Variants in FRMD4A observed in about 807,000 individuals in gnomAD.
FRMD4A encodes FERM domain-containing protein 4A.
In FRMD4A, 29 loss-of-function variants were observed where a neutral mutation model predicts 129.1. That is an observed-to-expected ratio of 0.22 (90% CI 0.17 to 0.31). The LOEUF (loss-of-function observed/expected upper bound fraction) is 0.31. Ranked by LOEUF, FRMD4A falls within the 10% of genes least tolerant of loss-of-function variation. The pLI, the probability that FRMD4A is intolerant of heterozygous loss-of-function variation, is 1.00. For synonymous variants in FRMD4A, 634 were observed against 571.6 expected (o/e 1.11, Z -1.56); for missense variants, 1,272 against 1,375.8 (o/e 0.92, Z 1.19).
At chr10:13,826,039 C>A (rs2093695743) in intron 3 of FRMD4A, among the ~76,000 whole-genome samples, 1 of 152,188 alleles carries the variant, frequency 6.6e-6, no homozygotes, top group South Asian at 2.1e-4. Flanking sequence ...CCGATGTGTA[C>A]CTTGATCAGC....
rs911473190 is a variant in FRMD4A, at chr10:13,930,149, C to T, written c.46-71237G>A. Among the ~76,000 whole-genome samples the T allele has an allele frequency of 5.3e-5, 8 of 152,184 alleles. No individual in the cohort carries two copies. In the South Asian group the frequency reaches 1.7e-3, roughly 31 times the overall value. On this transcript the variant is annotated intron_variant, in intron 2 of 24. Transcript: ENST00000357447. ...TGGTGAGAAGATGGAGATGACTTCA[C>T]TCATGCAGAGAACTATGTATTTGTG...
rs527825428 is a variant in FRMD4A at position 14,267,458 on chromosome 10, A to C, written c.45+62600T>G. On this transcript the variant is annotated intron_variant, in intron 2 of 24. Coordinates refer to ENST00000357447, the MANE Select transcript of FRMD4A (RefSeq NM_018027.5). The stretch of plus-strand genomic sequence containing the variant: ...CTGTCATGTCAAGGAGAAAGCAAAG[A>C]TGCCAGATGCCACAGCCTAAGCTCA... Among the ~76,000 whole-genome samples the C allele has an allele frequency of 1.6e-4, 25 of 152,332 alleles. No homozygotes were observed. The East Asian group carries it at 4.8e-3, about 29-fold the overall frequency.
At chr10:13,723,439 A>C (rs2089626008) in intron 12 of FRMD4A, among the ~76,000 whole-genome samples, 2 of 152,238 alleles carry the variant, frequency 1.3e-5, no homozygotes, top group Admixed American at 6.5e-5. Flanking sequence ...GGTTCCCAGC[A>C]GATGGGGGGA....
intron 2 of FRMD4A, among the ~76,000 whole-genome samples, chr10:14,233,481 G>A (rs1438651586): frequency 3.3e-5 from 5 of 152,200 alleles, no homozygotes; most frequent in Non-Finnish European, 5.9e-5. Context: ...GTCTGAGGCA[G>A]GAGAATCACT....
Position 13,948,629 on chromosome 10 carries a change from T to C in FRMD4A, c.46-89717A>G, listed in dbSNP as rs59296772. On this transcript the variant is annotated intron_variant, in intron 2 of 24. Coordinates refer to ENST00000357447, the MANE Select transcript of FRMD4A (RefSeq NM_018027.5). ...AGGTGGTGGGGATGAGGAGAATTGATAAGCCCATGGAAAAGAGGATTTTTT... is the reference window on the plus strand; with the variant it reads ...AGGTGGTGGGGATGAGGAGAATTGACAAGCCCATGGAAAAGAGGATTTTTT... Among the ~76,000 whole-genome samples the C allele has an allele frequency of 5.3e-3, 786 of 147,306 alleles. 9 individuals carry two copies. The highest frequency in any genetic ancestry group is 0.019 in the African/African-American group (763 of 39,864).
intron 2 of FRMD4A, among the ~76,000 whole-genome samples, chr10:14,026,113 C>T (rs1449542545): frequency 6.6e-6 from 1 of 152,130 alleles, no homozygotes; most frequent in Admixed American, 6.5e-5. Flanking sequence ...CACTTAACAG[C>T]CAACATTGAT....
At chr10:13,909,587 T>G (rs1164080465) in intron 2 of FRMD4A, among the ~76,000 whole-genome samples, 3 of 152,238 alleles carry the variant, frequency 2.0e-5, no homozygotes, top group Non-Finnish European at 2.9e-5. Flanking sequence ...AGGTGCTTAT[T>G]TAAAAGATGA....
intron 2 of FRMD4A, among the ~76,000 whole-genome samples, chr10:14,201,128 C>A (rs1436298325): frequency 6.6e-6 from 1 of 152,176 alleles, no homozygotes; most frequent in Non-Finnish European, 1.5e-5. Flanking sequence ...GAGATACCAG[C>A]ACCGGACAGC....
At position 13,718,197 on chromosome 10, in the gene FRMD4A, C is replaced by T. The variant is rs3814670; in HGVS notation, c.760-11084G>A. Among the ~76,000 whole-genome samples, 1,733 of 152,332 alleles carry T rather than the reference C, an allele frequency of 0.011. 70 individuals carry two copies. In the South Asian group the frequency reaches 0.11, roughly 10 times the overall value. On this transcript the variant is annotated intron_variant, in intron 12 of 24. Transcript: ENST00000357447. ...GATTGCTTGCTGCTGCAACTTCACGCGTGAGCTCCAGGCTCCCCTGGTTGG... is the reference window on the plus strand; with the variant it reads ...GATTGCTTGCTGCTGCAACTTCACGTGTGAGCTCCAGGCTCCCCTGGTTGG...
chr10:14,113,476 C>A (rs975534817), intron 2 of FRMD4A, among the ~76,000 whole-genome samples: 1 of 152,152 alleles, frequency 6.6e-6, no homozygotes, highest in East Asian at 1.9e-4. Flanking sequence ...ATAGAACATA[C>A]AAAATATGTG....
intron 2 of FRMD4A, among the ~76,000 whole-genome samples, chr10:14,229,086 T>G (rs1003810367): frequency 2.0e-5 from 3 of 151,758 alleles, no homozygotes; most frequent in Non-Finnish European, 4.4e-5. Context: ...TGTTTTTTCT[T>G]GTTTTTTTTT....
intron 2 of FRMD4A, among the ~76,000 whole-genome samples, chr10:14,222,056 C>T (rs975571968): frequency 1.3e-5 from 2 of 152,186 alleles, no homozygotes; most frequent in African/African-American, 2.4e-5. Context: ...CCCACTACCA[C>T]GTACATGCCA....
intron 2 of FRMD4A, among the ~76,000 whole-genome samples, chr10:13,924,060 G>A (rs113761144): frequency 1.8e-4 from 28 of 152,316 alleles, no homozygotes; most frequent in South Asian, 1.4e-3. Flanking sequence ...ATTCAGCTGC[G>A]CATCTAAAGT....
rs545980278 is a variant in FRMD4A, at chr10:13,742,432, C to T, written c.549-1855G>A. 9.8e-5 allele frequency among the ~76,000 whole-genome samples: 15 copies of T among 152,322 alleles called. No individual in the cohort carries two copies. In the East Asian group the frequency reaches 2.9e-3, roughly 29 times the overall value. On this transcript the variant is annotated intron_variant, in intron 9 of 24. Coordinates refer to ENST00000357447, the MANE Select transcript of FRMD4A (RefSeq NM_018027.5). ...CAGTTCTCACTCTCAGGTCTTACTC[C>T]TCTTCACCCTCCCTGTCCTCTGTCA...
chr10:13,926,167 T>A (rs1193683415), intron 2 of FRMD4A, among the ~76,000 whole-genome samples: 1 of 152,090 alleles, frequency 6.6e-6, no homozygotes, highest in African/African-American at 2.4e-5. Context: ...AGAAGTGATG[T>A]GAAGAAATGG....
chr10:13,662,594 T>C (rs1302040870), intron 19 of FRMD4A, among the ~76,000 whole-genome samples: 3 of 151,970 alleles, frequency 2.0e-5, no homozygotes. Context: ...GTGATGGGGG[T>C]TGGGGGAGGG....
At chr10:14,196,823 C>T (rs982579185) in intron 2 of FRMD4A, among the ~76,000 whole-genome samples, 2 of 152,154 alleles carry the variant, frequency 1.3e-5, no homozygotes, top group Non-Finnish European at 2.9e-5. Context: ...AATTCATTCC[C>T]ATCTTTATGT....
chr10:14,205,493 C>T (rs1427033180), intron 2 of FRMD4A, among the ~76,000 whole-genome samples: 1 of 151,974 alleles, frequency 6.6e-6, no homozygotes, highest in African/African-American at 2.4e-5. Flanking sequence ...ACCAGGATTC[C>T]CTGGGGTGAC....
intron 15 of FRMD4A, chr10:13,684,778 A>T: frequency 2.0e-6 from 2 of 985,062 alleles, no homozygotes; most frequent in Non-Finnish European, 2.4e-6. Context: ...AAGGAGGGGA[A>T]ACTTCAAAGC....
Sources: gnomAD v4.1 joint callset for allele counts (sites outside exome capture counted in the v4.1 genomes callset) on GRCh38, gnomAD v4.1.1 for gene constraint, MANE v1.5 for transcripts, NCBI Gene and HGNC (gene_info 2026-07-23, HGNC 2026-07-21) for gene names.